Variants in RYR2 observed in about 807,000 individuals in gnomAD.
RYR2 encodes the protein cardiac muscle ryanodine receptor-calcium release channel.
In RYR2, 227 loss-of-function variants were observed where a neutral mutation model predicts 601.1. The observed-to-expected ratio is 0.38, with a 90% CI of 0.34 to 0.42. RYR2 has a LOEUF of 0.42. RYR2 is among the 10% of genes least tolerant of loss of function. RYR2 has a pLI of 1.00. For missense variants in RYR2, 4,646 were observed against 6,156.5 expected, an observed-to-expected ratio of 0.75 and a Z score of 8.21; for synonymous variants, 2,223 against 2,175.1, an observed-to-expected ratio of 1.02 and a Z score of -0.61.
chr1:237,091,258 CA>C (rs761522256), intron 1 of RYR2, among the ~76,000 whole-genome samples: 15 of 152,278 alleles, frequency 9.9e-5, no homozygotes, highest in Non-Finnish European at 2.2e-4. Flanking sequence ...CACCATCAAG[CA>C]GGTTGTTTCA....
chr1:237,740,641 A>G (rs112512941), intron 79 of RYR2, among the ~76,000 whole-genome samples: 2,031 of 152,266 alleles, frequency 0.013, 51 homozygotes, highest in African/African-American at 0.046. Context: ...TCTGAAGGTC[A>G]TGAAATTTTT....
intron 1 of RYR2, among the ~76,000 whole-genome samples, chr1:237,152,806 T>C (rs559675161): frequency 6.6e-6 from 1 of 152,178 alleles, no homozygotes; most frequent in Non-Finnish European, 1.5e-5. Context: ...AATTGACAAA[T>C]GGGATCTCAT....
chr1:237,495,216 C>T (rs1235427135), intron 19 of RYR2, among the ~76,000 whole-genome samples: 1 of 152,150 alleles, frequency 6.6e-6, no homozygotes, highest in African/African-American at 2.4e-5. Flanking sequence ...GTTTACCAGT[C>T]CATTTTCCAG....
intron 44 of RYR2, among the ~76,000 whole-genome samples, chr1:237,635,645 C>T (rs770562190): frequency 2.6e-5 from 4 of 152,124 alleles, no homozygotes; most frequent in Admixed American, 6.5e-5. Flanking sequence ...CCTTATCAGC[C>T]AAAGTGACCC....
At chr1:237,421,799 T>G (rs1293606998) in intron 11 of RYR2, among the ~76,000 whole-genome samples, 1 of 152,202 alleles carries the variant, frequency 6.6e-6, no homozygotes, top group Non-Finnish European at 1.5e-5. Context: ...ATCCTTATGT[T>G]TCATTTTCTG....
chr1:237,292,345 A>G (rs1219503493), intron 2 of RYR2, among the ~76,000 whole-genome samples: 1 of 152,220 alleles, frequency 6.6e-6, no homozygotes, highest in Non-Finnish European at 1.5e-5. Flanking sequence ...AAAATTTGCA[A>G]AATAGGTACA....
intron 1 of RYR2, among the ~76,000 whole-genome samples, chr1:237,184,931 A>G (rs946633129): frequency 6.7e-6 from 1 of 149,952 alleles, no homozygotes; most frequent in Non-Finnish European, 1.5e-5. Context: ...GTGCAGTGGC[A>G]TGATCACAGC....
At chr1:237,314,794 A>G (rs1694946329) in intron 2 of RYR2, among the ~76,000 whole-genome samples, 1 of 152,212 alleles carries the variant, frequency 6.6e-6, no homozygotes, top group South Asian at 2.1e-4. Flanking sequence ...TCTTCAAGAA[A>G]TGAGATTGGT....
At chr1:237,709,139 A>T in intron 69 of RYR2, 41 bp downstream of exon 69, 1 of 1,509,166 alleles carries the variant, frequency 6.6e-7, no homozygotes, top group Non-Finnish European at 8.9e-7. Context: ...CAATTCGGTC[A>T]TAACGTTTCT....
intron 71 of RYR2, among the ~76,000 whole-genome samples, chr1:237,714,991 C>CA (rs5781983): frequency 0.014 from 618 of 44,386 alleles, 31 homozygotes; most frequent in African/African-American, 0.03. Context: ...GACTCCATCT[C>CA]AAAAAAAAAA....
intron 6 of RYR2, among the ~76,000 whole-genome samples, chr1:237,371,757 T>C (rs374301327): frequency 2.0e-5 from 3 of 152,286 alleles, no homozygotes; most frequent in East Asian, 1.9e-4. Context: ...GGGACATGGA[T>C]GAAGCTGGAA....
At chr1:237,704,926 CAG>C (rs1329920000) in intron 66 of RYR2, among the ~76,000 whole-genome samples, 1 of 151,940 alleles carries the variant, frequency 6.6e-6, no homozygotes, top group Non-Finnish European at 1.5e-5. Flanking sequence ...CTAATTGAAA[CAG>C]AATTTTAAAG....
chr1:237,744,991 C>T (rs989065659), intron 80 of RYR2, among the ~76,000 whole-genome samples: 2 of 151,300 alleles, frequency 1.3e-5, no homozygotes, highest in Non-Finnish European at 2.9e-5. Context: ...TTAGTAGAGA[C>T]GGGGTTTCAC....
intron 26 of RYR2, 105 bp from the exon 27 acceptor site, chr1:237,550,439 G>A (rs571325261): frequency 7.6e-7 from 1 of 1,315,994 alleles, no homozygotes; most frequent in East Asian, 2.5e-5. Context: ...TTGTGGAAGG[G>A]TCACGTTTTT....
At chr1:237,396,749 G>T (rs1462796925) in intron 10 of RYR2, among the ~76,000 whole-genome samples, 2 of 152,190 alleles carry the variant, frequency 1.3e-5, no homozygotes, top group African/African-American at 4.8e-5. Flanking sequence ...AGACTTAAAA[G>T]ACATTCACAT....
At chr1:237,304,769 ACTGT>A (rs1009012614) in intron 2 of RYR2, among the ~76,000 whole-genome samples, 2 of 152,204 alleles carry the variant, frequency 1.3e-5, no homozygotes, top group Non-Finnish European at 2.9e-5. Flanking sequence ...AAAACTACAG[ACTGT>A]CTAAGGAAAA....
intron 44 of RYR2, 124 bp downstream of exon 44, chr1:237,635,116 C>A: frequency 1.6e-6 from 1 of 627,132 alleles, no homozygotes; most frequent in South Asian, 3.1e-5. Context: ...ACATTATGGC[C>A]AAAACCGCAA....
chr1:237,389,710 A>G (rs1702226064), intron 10 of RYR2, among the ~76,000 whole-genome samples: 1 of 152,162 alleles, frequency 6.6e-6, no homozygotes, highest in African/African-American at 2.4e-5. Flanking sequence ...TAAGGATTGC[A>G]GGAGATGGTA....
chr1:237,817,655 C>T lies in RYR2; in HGVS notation c.14434-1381C>T, dbSNP rs116057374. On this transcript the variant is annotated intron_variant, in intron 100 of 104. Transcript: ENST00000366574. The stretch of plus-strand genomic sequence containing the variant: ...TTAAAGCCATGAAACTGGGAAAGGT[C>T]CCCCAAGGGAGTGTCCTAAAAGTAA... 9.0e-3 allele frequency among the ~76,000 whole-genome samples: 1,369 copies of T among 152,222 alleles called. 17 individuals carry two copies. Among genetic ancestry groups the T allele is most frequent in the African/African-American group, 0.031 (1,308 of 41,540 alleles).
Sources: allele counts gnomAD v4.1 joint callset (sites outside exome capture counted in the v4.1 genomes callset), GRCh38; gene constraint gnomAD v4.1.1; transcripts MANE v1.5; gene names NCBI Gene and HGNC (gene_info 2026-07-23, HGNC 2026-07-21).